PSME4: variants seen among roughly 807,000 people sequenced by gnomAD.
PSME4 encodes the protein proteasome activator subunit 4.
Under a neutral mutation model 253.9 loss-of-function variants are expected in PSME4, and 89 were observed. The ratio of observed to expected loss-of-function variants is 0.35; its 90% CI spans 0.30 to 0.42. The LOEUF (loss-of-function observed/expected upper bound fraction) is 0.42. PSME4 is among the 10% of genes least tolerant of loss of function. The pLI is 1.00. For synonymous variants in PSME4, 851 were observed against 759.2 expected (o/e 1.12, Z -1.99); for missense variants, 2,014 against 2,195.2 (o/e 0.92, Z 1.65).
chr2:53,876,713 A>ATTTTTTTTTTTTTTTTTTTT (rs1224675454), intron 41 of PSME4, among the ~76,000 whole-genome samples: 1 of 77,200 alleles, frequency 1.3e-5, no homozygotes, highest in Admixed American at 1.4e-4. Context: ...AGCCACTGTC[A>ATTTTTTTTTTTTTTTTTTTT]TTCTTTTTTT....
chr2:53,901,612 T>C (rs1680404026), intron 27 of PSME4, 53 bp from the exon 28 acceptor site: 1 of 1,461,840 alleles, frequency 6.8e-7, no homozygotes, highest in Admixed American at 1.8e-5. Flanking sequence ...AGGCATCATG[T>C]AGTTGTAGCC....
At chr2:53,902,006 A>T (rs1193718551) in intron 27 of PSME4, among the ~76,000 whole-genome samples, 1 of 152,228 alleles carries the variant, frequency 6.6e-6, no homozygotes, top group Non-Finnish European at 1.5e-5. Context: ...GGTTGAGGCT[A>T]CAATGAGCCA....
intron 13 of PSME4, 107 bp from the exon 14 acceptor site, chr2:53,925,796 C>G (rs534586235): frequency 4.3e-5 from 55 of 1,289,278 alleles, no homozygotes; most frequent in Middle Eastern, 1.9e-4. Context: ...GTGATAGCTA[C>G]TTAATTTCTA....
At chr2:53,907,028 A>AAT (rs56042602) in intron 24 of PSME4, among the ~76,000 whole-genome samples, 160 bp from the exon 25 acceptor site, 44,557 of 151,946 alleles carry the variant, frequency 0.29, 6,941 homozygotes, top group South Asian at 0.49. Flanking sequence ...CTTATATAAA[A>AAT]ATGTTGTCTT....
At position 53,970,702 on chromosome 2, in the gene PSME4, G is replaced by T; in HGVS notation, c.83C>A (p.Pro28Gln). Reference sequence around the variant, plus strand: ...CTTGTTGTAGACGATCTCCTTCTGCGGGACGAAGCCCCGCGGGCCCGGCTC... The same window carrying T: ...CTTGTTGTAGACGATCTCCTTCTGCTGGACGAAGCCCCGCGGGCCCGGCTC... The part of the protein sequence containing the change: ...RPEPGPRGFV[P>Q]QKEIVYNKLL... The change falls in exon 1 of 47, where the codon CCG becomes CAG. Residue 28 changes from proline to glutamine, a missense_variant. By Grantham distance (76) the Pro-to-Gln change is moderately conservative (BLOSUM62 -1). Around this residue, in one of 4 missense-constraint regions of PSME4, gnomAD observed 615 missense variants for 594.4 expected, o/e 1.03. Coordinates refer to ENST00000404125, the MANE Select transcript of PSME4 (RefSeq NM_014614.3). 1 of 1,549,228 alleles carries T rather than the reference G, an allele frequency of 6.5e-7. No homozygotes were observed. Among genetic ancestry groups the T allele is most frequent in the Non-Finnish European group, 8.7e-7 (1 of 1,146,544 alleles).
At chr2:53,930,192 T>C (rs1412197739) in intron 10 of PSME4, among the ~76,000 whole-genome samples, 1 of 152,218 alleles carries the variant, frequency 6.6e-6, no homozygotes, top group Non-Finnish European at 1.5e-5. Context: ...AATATGCTGA[T>C]ATTACATTTG....
At chr2:53,928,406 G>T (rs1573311204) in intron 10 of PSME4, 103 bp from the exon 11 acceptor site, 2 of 937,676 alleles carry the variant, frequency 2.1e-6, no homozygotes, top group South Asian at 2.2e-5. Context: ...TGACTTAAAG[G>T]CTTACAGTTA....
intron 21 of PSME4, among the ~76,000 whole-genome samples, chr2:53,909,399 T>C (rs979702912): frequency 6.6e-6 from 1 of 152,138 alleles, no homozygotes; most frequent in East Asian, 1.9e-4. Context: ...AGGTATAAAG[T>C]TTTTTTAAAT....
intron 29 of PSME4, 91 bp from the exon 30 acceptor site, chr2:53,898,445 C>T (rs1431697275): frequency 2.4e-5 from 25 of 1,025,712 alleles, no homozygotes; most frequent in Non-Finnish European, 2.8e-5. Flanking sequence ...CAATTTCACC[C>T]TCCTTCCCCA....
intron 1 of PSME4, among the ~76,000 whole-genome samples, chr2:53,968,990 G>A (rs962692758): frequency 2.6e-5 from 4 of 152,056 alleles, no homozygotes; most frequent in African/African-American, 4.8e-5. Flanking sequence ...AGCTGTTTGC[G>A]TCCCCAAAAA....
rs530464653 is a variant in PSME4 at position 53,892,875 on chromosome 2, G to A, written c.4124C>T (p.Thr1375Ile). 2 of 1,613,778 alleles carry A rather than the reference G, an allele frequency of 1.2e-6. No homozygotes were observed. Among genetic ancestry groups the A allele is most frequent in the Admixed American group, 1.7e-5 (1 of 59,962 alleles). ...EHLVADSHES[T>I]QRCVAEIIAG... is the part of the protein sequence containing the mutation. The stretch of plus-strand genomic sequence containing the variant: ...TATAATTTCTGCAACACATCGCTGG[G>A]TGCTTTCATGTGAATCTGCAACCAA... The change falls in exon 36 of 47, where the codon ACC (threonine) becomes ATC (isoleucine). Residue 1375 changes from threonine (T) to isoleucine (I), a missense_variant. Transcript: ENST00000404125.
intron 1 of PSME4, among the ~76,000 whole-genome samples, chr2:53,966,519 C>G (rs1670743924): frequency 6.6e-6 from 1 of 151,684 alleles, no homozygotes; most frequent in Non-Finnish European, 1.5e-5. Context: ...AAAAAATTAG[C>G]CAGGCGTCGT....
intron 41 of PSME4, among the ~76,000 whole-genome samples, chr2:53,884,532 T>A (rs1250918182): frequency 6.6e-6 from 1 of 152,226 alleles, no homozygotes; most frequent in Non-Finnish European, 1.5e-5. Flanking sequence ...TTTCTAATGA[T>A]ATAAGTTTTT....
intron 32 of PSME4, 42 bp downstream of exon 32, chr2:53,896,762 T>C: frequency 2.0e-6 from 3 of 1,487,506 alleles, no homozygotes; most frequent in Non-Finnish European, 2.8e-6. Context: ...ATTTTCTGAG[T>C]TTTATTGGAA....
intron 20 of PSME4, among the ~76,000 whole-genome samples, chr2:53,911,321 A>G (rs1004232801): frequency 6.6e-6 from 1 of 152,174 alleles, no homozygotes; most frequent in African/African-American, 2.4e-5. Context: ...TAATAGTATC[A>G]AACGTTAATT....
intron 20 of PSME4, among the ~76,000 whole-genome samples, chr2:53,910,569 A>G (rs1667786063): frequency 6.6e-6 from 1 of 152,206 alleles, no homozygotes; most frequent in Non-Finnish European, 1.5e-5. Flanking sequence ...GTGCAGTAAT[A>G]AGACACTCTT....
intron 14 of PSME4, among the ~76,000 whole-genome samples, chr2:53,923,737 A>G (rs1668429990): frequency 6.6e-6 from 1 of 151,954 alleles, no homozygotes; most frequent in African/African-American, 2.4e-5. Flanking sequence ...AGCCTGGCCA[A>G]CATGGCGAAA....
intron 18 of PSME4, 83 bp downstream of exon 18, chr2:53,920,806 T>TATC (rs1273125829): frequency 8.7e-7 from 1 of 1,145,184 alleles, no homozygotes; most frequent in Non-Finnish European, 1.3e-6. Flanking sequence ...AAAACTAACA[T>TATC]ATGCAAGAAA....
chr2:53,960,385 C>A (rs1670429138), intron 1 of PSME4, among the ~76,000 whole-genome samples: 1 of 137,248 alleles, frequency 7.3e-6, no homozygotes, highest in South Asian at 2.2e-4. Flanking sequence ...GGCAACAGAG[C>A]GAGACTCCAT....
Sources: gnomAD v4.1 joint callset for allele counts (sites outside exome capture counted in the v4.1 genomes callset) on GRCh38, gnomAD v4.1.1 for gene constraint, gnomAD v4.1.1 regional missense constraint, MANE v1.5 for transcripts, NCBI Gene and HGNC (gene_info 2026-07-23, HGNC 2026-07-21) for gene names.